Variants in ARB2A observed in about 807,000 individuals in gnomAD.
ARB2A encodes the protein cotranscriptional regulator ARB2A.
the ARB2A span, among the ~76,000 whole-genome samples, chr5:93,682,085 A>C: frequency 6.6e-6 from 1 of 152,168 alleles, no homozygotes; most frequent in Admixed American, 6.6e-5. Flanking sequence ...AATAGCTTTA[A>C]TTCAAAATGA....
At chr5:93,821,066 A>T in the ARB2A span, among the ~76,000 whole-genome samples, 3 of 152,196 alleles carry the variant, frequency 2.0e-5, no homozygotes, top group Non-Finnish European at 4.4e-5. Context: ...ACAACATTTT[A>T]AGATAGGATA....
At chr5:93,843,853 A>G in the ARB2A span, among the ~76,000 whole-genome samples, 1 of 152,108 alleles carries the variant, frequency 6.6e-6, no homozygotes, top group Non-Finnish European at 1.5e-5. Flanking sequence ...GCAAAGTTGT[A>G]TAATGAGAAA....
the ARB2A span, among the ~76,000 whole-genome samples, chr5:94,035,799 T>C: frequency 6.6e-6 from 1 of 151,936 alleles, no homozygotes; most frequent in Non-Finnish European, 1.5e-5. Flanking sequence ...AAGTGGGAGT[T>C]GAACAATGAG....
chr5:93,679,316 C>T, the ARB2A span, among the ~76,000 whole-genome samples: 1 of 151,916 alleles, frequency 6.6e-6, no homozygotes, highest in Non-Finnish European at 1.5e-5. Flanking sequence ...GAAGTCTATC[C>T]TTTCATTTAT....
At chr5:94,106,191 A>G in the ARB2A span, among the ~76,000 whole-genome samples, 2 of 152,140 alleles carry the variant, frequency 1.3e-5, no homozygotes, top group African/African-American at 4.8e-5. Flanking sequence ...CACAGTAAAC[A>G]GACAACCTAC....
At chr5:93,947,643 T>G in the ARB2A span, among the ~76,000 whole-genome samples, 12 of 145,408 alleles carry the variant, frequency 8.3e-5, no homozygotes, top group East Asian at 4.2e-4. Flanking sequence ...ATTAGGTATA[T>G]CTCCTAATGC....
the ARB2A span, among the ~76,000 whole-genome samples, chr5:93,882,313 G>A: frequency 0.93 from 140,339 of 151,264 alleles, 65,237 homozygotes; most frequent in East Asian, 1. Flanking sequence ...GAAAAATCAT[G>A]TAGCAAAATA....
At chr5:93,642,118 C>A in the ARB2A span, among the ~76,000 whole-genome samples, 3 of 152,030 alleles carry the variant, frequency 2.0e-5, no homozygotes, top group African/African-American at 7.2e-5. Context: ...GCAGCTGGGA[C>A]CACTGGCATG....
chr5:93,714,449 T>C, the ARB2A span, among the ~76,000 whole-genome samples: 1 of 152,206 alleles, frequency 6.6e-6, no homozygotes, highest in African/African-American at 2.4e-5. Context: ...TACAAATCCA[T>C]TTCTTTACAT....
At chr5:93,702,927 T>C in the ARB2A span, among the ~76,000 whole-genome samples, 1 of 152,200 alleles carries the variant, frequency 6.6e-6, no homozygotes, top group Admixed American at 6.5e-5. Flanking sequence ...AAAACTGTCA[T>C]AAATTCTTTA....
At chr5:93,671,261 A>G in the ARB2A span, among the ~76,000 whole-genome samples, 4 of 152,190 alleles carry the variant, frequency 2.6e-5, no homozygotes, top group African/African-American at 9.6e-5. Context: ...AATTGTCAAT[A>G]ATGATTTTAC....
At chr5:93,850,858 TGTG>T in the ARB2A span, among the ~76,000 whole-genome samples, 84 of 152,220 alleles carry the variant, frequency 5.5e-4, 1 homozygote, top group Admixed American at 7.9e-4. Context: ...GCAACTGTAC[TGTG>T]GTATGAAATA....
the ARB2A span, among the ~76,000 whole-genome samples, chr5:93,638,398 C>T: frequency 6.6e-6 from 1 of 152,188 alleles, no homozygotes; most frequent in Admixed American, 6.5e-5. Context: ...AAATTGACAT[C>T]TTTATTATGT....
At chr5:93,897,640 T>C in the ARB2A span, among the ~76,000 whole-genome samples, 1 of 151,854 alleles carries the variant, frequency 6.6e-6, no homozygotes, top group Admixed American at 6.6e-5. Flanking sequence ...AATTATATAT[T>C]ATAATACAAT....
chr5:93,948,102 G>T, the ARB2A span, among the ~76,000 whole-genome samples: 2 of 152,100 alleles, frequency 1.3e-5, no homozygotes, highest in African/African-American at 4.8e-5. Flanking sequence ...ACTTCCACAA[G>T]GGTTGAACTA....
At chr5:93,707,411 C>G in the ARB2A span, among the ~76,000 whole-genome samples, 2 of 151,896 alleles carry the variant, frequency 1.3e-5, no homozygotes, top group African/African-American at 4.8e-5. Flanking sequence ...GTACAATAAT[C>G]ATTATGTTAC....
the ARB2A span, among the ~76,000 whole-genome samples, chr5:93,874,592 A>G: frequency 6.6e-6 from 1 of 152,304 alleles, no homozygotes; most frequent in Non-Finnish European, 1.5e-5. Context: ...ACTGGTAAAC[A>G]TAAGTATTTT....
the ARB2A span, chr5:93,738,334 T>A: frequency 1.3e-5 from 2 of 152,754 alleles, no homozygotes; most frequent in African/African-American, 4.8e-5. Flanking sequence ...AGAACTCTTG[T>A]AGATTGCTGG....
At chr5:93,689,780 C>T in the ARB2A span, among the ~76,000 whole-genome samples, 9 of 151,842 alleles carry the variant, frequency 5.9e-5, no homozygotes, top group African/African-American at 2.2e-4. Context: ...ACAACTTCTG[C>T]CTCCTGGGTT....
Sources: allele counts gnomAD v4.1 joint callset (sites outside exome capture counted in the v4.1 genomes callset), GRCh38; gene constraint gnomAD v4.1.1; transcripts MANE v1.5; gene names NCBI Gene and HGNC (gene_info 2026-07-23, HGNC 2026-07-21).